The following BCL11A variants were observed in gnomAD, a reference collection of about 807,000 sequenced individuals.
The protein encoded by BCL11A is BCL11 transcription factor A.
BCL11A carries 2 observed loss-of-function variants against 55.9 expected under a neutral mutation model. The observed-to-expected ratio is 0.04, with a 90% CI of 0.01 to 0.11. The LOEUF is 0.11. Among genes scored for constraint, BCL11A ranks in the 10% least tolerant of loss-of-function variants. The pLI is 1.00. For synonymous variants in BCL11A, 465 were observed against 473.4 expected (o/e 0.98, Z 0.23); for missense variants, 817 against 1,137.1 (o/e 0.72, Z 4.05).
chr2:60,501,505 C>CTTT (rs11366853), intron 2 of BCL11A, among the ~76,000 whole-genome samples: 21 of 119,714 alleles, frequency 1.8e-4, no homozygotes, highest in East Asian at 2.3e-4. Flanking sequence ...ACACCGCTTT[C>CTTT]TTTTTTTTTT....
intron 3 of BCL11A, among the ~76,000 whole-genome samples, chr2:60,467,690 GTGGTGGTGATGGTAC>G (rs1342004017): frequency 1.6e-3 from 106 of 68,246 alleles, no homozygotes; most frequent in Non-Finnish European, 2.1e-3. Flanking sequence ...GATGGTGGTG[GTGGTGGTGATGGTAC>G]TGGTGGTGAT....
intron 2 of BCL11A, among the ~76,000 whole-genome samples, chr2:60,514,446 CAGG>C (rs1668635409): frequency 6.8e-6 from 1 of 147,964 alleles, no homozygotes; most frequent in African/African-American, 2.5e-5. Flanking sequence ...CACCTGAGGT[CAGG>C]AGTTCAAGAC....
At chr2:60,509,497 C>G (rs1573030725) in intron 2 of BCL11A, among the ~76,000 whole-genome samples, 1 of 152,238 alleles carries the variant, frequency 6.6e-6, no homozygotes, top group South Asian at 2.1e-4. Flanking sequence ...GGAAAAGATG[C>G]AGCTTCCAAC....
At chr2:60,501,507 T>A (rs1334283569) in intron 2 of BCL11A, among the ~76,000 whole-genome samples, 1 of 84,794 alleles carries the variant, frequency 1.2e-5, no homozygotes, top group Non-Finnish European at 2.5e-5. Context: ...ACCGCTTTCT[T>A]TTTTTTTTTT....
intron 3 of BCL11A, among the ~76,000 whole-genome samples, chr2:60,467,579 A>G (rs1172957576): frequency 4.2e-5 from 1 of 23,858 alleles, no homozygotes; most frequent in Non-Finnish European, 7.8e-5. Context: ...GGTGGTGGTA[A>G]TGGTGGTGGT....
intron 2 of BCL11A, among the ~76,000 whole-genome samples, chr2:60,486,876 C>A (rs1344457777): frequency 2.0e-5 from 3 of 152,220 alleles, no homozygotes; most frequent in Non-Finnish European, 4.4e-5. Context: ...GGCCATGGCT[C>A]AGCCCACGCC....
intron 1 of BCL11A, among the ~76,000 whole-genome samples, chr2:60,547,255 G>A (rs1047670762): frequency 6.6e-5 from 10 of 152,150 alleles, no homozygotes; most frequent in South Asian, 2.1e-4. Flanking sequence ...GAAATACTTC[G>A]CCTAATGTTG....
At chr2:60,519,539 T>TTGCCTGCCTGCC (rs3028029) in intron 2 of BCL11A, among the ~76,000 whole-genome samples, 2,457 of 147,600 alleles carry the variant, frequency 0.017, 48 homozygotes, top group Admixed American at 0.033. Flanking sequence ...AGGTCCTCAC[T>TTGCCTGCCTGCC]TGCCTGCCTG....
chr2:60,523,029 C>T (rs544829236), intron 2 of BCL11A: 5 of 152,252 alleles, frequency 3.3e-5, no homozygotes, highest in East Asian at 1.9e-4. Flanking sequence ...ATTGCCTGGC[C>T]GTTTTCTCTG....
At chr2:60,502,003 G>A (rs1456082514) in intron 2 of BCL11A, among the ~76,000 whole-genome samples, 1 of 152,154 alleles carries the variant, frequency 6.6e-6, no homozygotes, top group Non-Finnish European at 1.5e-5. Context: ...AACTTGTGTT[G>A]CACTAGGTGA....
In BCL11A at chr2:60,551,584, G is replaced by A. The variant is rs576954502; in HGVS notation, c.55+1632C>T. On this transcript the variant is annotated intron_variant, in intron 1 of 3. Transcript: ENST00000642384. ...AGAAAGTACCCAGGGCGGAGGGGAG[G>A]GGAGGCGCAGAACGCGCTTTTACAG... Among the ~76,000 whole-genome samples, 234 of 152,266 alleles carry A rather than the reference G, an allele frequency of 1.5e-3. 1 individual carries two copies. Among genetic ancestry groups the A allele is most frequent in the Non-Finnish European group, 2.9e-3 (195 of 68,046 alleles).
chr2:60,519,451 T>C (rs1668875387), intron 2 of BCL11A, among the ~76,000 whole-genome samples: 1 of 152,158 alleles, frequency 6.6e-6, no homozygotes, highest in South Asian at 2.1e-4. Context: ...CAAAAATGTG[T>C]CTATAACCTG....
chr2:60,454,986 C>A (rs1299492089), downstream of BCL11A, among the ~76,000 whole-genome samples: 1 of 152,298 alleles, frequency 6.6e-6, no homozygotes, highest in South Asian at 2.1e-4. Context: ...CTGTGTTCAC[C>A]TCACTTCTTA....
At chr2:60,472,965 C>T (rs904324105) in intron 2 of BCL11A, among the ~76,000 whole-genome samples, 1 of 145,192 alleles carries the variant, frequency 6.9e-6, no homozygotes, top group African/African-American at 2.4e-5. Flanking sequence ...TAGATGTGTG[C>T]TATTCACTAA....
chr2:60,501,041 T>C (rs1425869106), intron 2 of BCL11A, among the ~76,000 whole-genome samples: 2 of 152,206 alleles, frequency 1.3e-5, no homozygotes, highest in Non-Finnish European at 2.9e-5. Context: ...GACCTCATGG[T>C]TGACTCACTC....
rs189440404 is a variant in BCL11A, at chr2:60,516,131, G to A, written c.385+29840C>T. Among the ~76,000 whole-genome samples the A allele has an allele frequency of 2.9e-3, 443 of 152,272 alleles. 12 individuals are homozygous for A. The highest frequency in any genetic ancestry group is 0.028 in the Admixed American group (432 of 15,296). On this transcript the variant is annotated intron_variant, in intron 2 of 3. Transcript: ENST00000642384. ...CTGTGATGACTCATGCCAGCTTTGG[G>A]TGCTCTAAGATGCTTTCCCATGTCT...
At chr2:60,548,980 C>G (rs1298207545) in intron 1 of BCL11A, among the ~76,000 whole-genome samples, 1 of 152,290 alleles carries the variant, frequency 6.6e-6, no homozygotes, top group South Asian at 2.1e-4. Flanking sequence ...CCATTTACCC[C>G]CTCCCTCAAT....
In BCL11A at chr2:60,491,515, A is replaced by G. The variant is rs544450080; in HGVS notation, c.386-22682T>C. Among the ~76,000 whole-genome samples, 49 of 152,140 alleles carry G rather than the reference A, an allele frequency of 3.2e-4. 1 individual carries two copies. The South Asian group carries it at 1.0e-2, about 31-fold the overall frequency. On this transcript the variant is annotated intron_variant, in intron 2 of 3. Transcript: ENST00000642384. ...CAGTGAAACCCCGTCTCTACTAAAA[A>G]TACAAAATTAGCCGGGCATGGTAAT...
At chr2:60,501,319 G>A (rs1368242430) in intron 2 of BCL11A, among the ~76,000 whole-genome samples, 1 of 152,134 alleles carries the variant, frequency 6.6e-6, no homozygotes, top group Non-Finnish European at 1.5e-5. Context: ...CAGTGGCTCT[G>A]TCTTTAATAT....
Sources: allele counts gnomAD v4.1 joint callset (sites outside exome capture counted in the v4.1 genomes callset), GRCh38; gene constraint gnomAD v4.1.1; transcripts MANE v1.5; gene names NCBI Gene and HGNC (gene_info 2026-07-23, HGNC 2026-07-21).